NPLOC4: variants seen among roughly 807,000 people sequenced by gnomAD.
The protein encoded by NPLOC4 is NPL4 homolog, ubiquitin recognition factor, also known as nuclear protein localization protein 4 homolog.
NPLOC4 carries 18 observed loss-of-function variants against 80.6 expected under a neutral mutation model. That is an observed-to-expected ratio of 0.22 (90% CI 0.15 to 0.33). The LOEUF is 0.33. Ranked by LOEUF, NPLOC4 falls within the 10% of genes least tolerant of loss-of-function variation. NPLOC4 has a pLI of 1.00. For missense variants in NPLOC4, 540 were observed against 786.1 expected (o/e 0.69, Z 3.74); for synonymous variants, 313 against 301.5 (o/e 1.04, Z -0.39).
intron 6 of NPLOC4, among the ~76,000 whole-genome samples, chr17:81,607,931 G>A (rs1020576159): frequency 2.0e-5 from 3 of 152,200 alleles, no homozygotes; most frequent in Admixed American, 2.0e-4. Flanking sequence ...TCTCCTCGTT[G>A]CACTGACAGG....
chr17:81,631,438 T>A (rs56064069), intron 1 of NPLOC4, among the ~76,000 whole-genome samples: 5,103 of 24,562 alleles, frequency 0.21, 155 homozygotes, highest in Middle Eastern at 0.32. Context: ...ATATATATAT[T>A]TTTTTTTTTT....
At chr17:81,568,250 G>A (rs377107698) in intron 14 of NPLOC4, among the ~76,000 whole-genome samples, 9 of 152,316 alleles carry the variant, frequency 5.9e-5, no homozygotes, top group African/African-American at 2.2e-4. Flanking sequence ...ATCTAGGGCA[G>A]CAAGAGGGAG....
At chr17:81,589,241 C>T (rs1311379709) in intron 11 of NPLOC4, 137 bp from the exon 12 acceptor site, 2 of 735,996 alleles carry the variant, frequency 2.7e-6, no homozygotes, top group Non-Finnish European at 2.1e-6. Context: ...AAAAAATGTT[C>T]AGTAGTCGGC....
At chr17:81,573,748 A>T (rs556597758) in intron 12 of NPLOC4, 2 of 152,336 alleles carry the variant, frequency 1.3e-5, no homozygotes, top group South Asian at 4.1e-4. Context: ...GTCCAAATAG[A>T]TCCCACTGAT....
At chr17:81,560,026 T>C (rs866581583) in intron 16 of NPLOC4, among the ~76,000 whole-genome samples, 3 of 150,848 alleles carry the variant, frequency 2.0e-5, no homozygotes, top group East Asian at 2.0e-4. Flanking sequence ...TGAGCCACCA[T>C]GCCCAGCCTC....
chr17:81,624,370 A>C (rs2035743325), intron 2 of NPLOC4, among the ~76,000 whole-genome samples: 1 of 152,160 alleles, frequency 6.6e-6, no homozygotes. Flanking sequence ...GTGAGCCAAG[A>C]TGGCGCCATT....
At chr17:81,586,300 T>A (rs2144126020) in intron 12 of NPLOC4, among the ~76,000 whole-genome samples, 1 of 152,122 alleles carries the variant, frequency 6.6e-6, no homozygotes, top group South Asian at 2.1e-4. Context: ...CCCCTCAAGA[T>A]GTTTGCAGCT....
At chr17:81,628,623 T>C (rs569175555) in intron 2 of NPLOC4, among the ~76,000 whole-genome samples, 5 of 152,278 alleles carry the variant, frequency 3.3e-5, no homozygotes, top group South Asian at 4.1e-4. Flanking sequence ...CAAAGGCTAA[T>C]GGATGTTTTT....
chr17:81,633,836 G>A (rs534328330), intron 1 of NPLOC4, among the ~76,000 whole-genome samples: 86 of 151,864 alleles, frequency 5.7e-4, no homozygotes, highest in African/African-American at 2.0e-3. Context: ...CTCCCAAGTA[G>A]CTGGGATTAT....
At chr17:81,587,717 A>G (rs953602349) in intron 12 of NPLOC4, among the ~76,000 whole-genome samples, 3 of 113,406 alleles carry the variant, frequency 2.6e-5, no homozygotes, top group African/African-American at 1.0e-4. Context: ...TCTGTTCCCC[A>G]GGCTGGAGTG....
At chr17:81,604,416 T>C (rs1431681170) in intron 8 of NPLOC4, 132 bp downstream of exon 8, 5 of 728,400 alleles carry the variant, frequency 6.9e-6, no homozygotes, top group Admixed American at 3.1e-5. Flanking sequence ...TCAGAAAATG[T>C]TGTGCACGTG....
chr17:81,559,040 G>A lies in NPLOC4; in HGVS notation c.*219C>T, dbSNP rs184885512. Reference sequence around the variant, plus strand: ...GGAGCCGCTCTGCGTTTCCAGTCTGGAGACTGCATTCAGCCTGCAGAATAC... The same window carrying A: ...GGAGCCGCTCTGCGTTTCCAGTCTGAAGACTGCATTCAGCCTGCAGAATAC... On this transcript the variant is annotated 3_prime_UTR_variant, in exon 17 of 17. Coordinates refer to ENST00000331134, the MANE Select transcript of NPLOC4 (RefSeq NM_017921.4). The A allele has an allele frequency of 5.4e-6, 3 of 559,620 alleles. No individual in the cohort carries two copies. Among genetic ancestry groups the A allele is most frequent in the African/African-American group, 1.9e-5 (1 of 52,536 alleles). The allele number at this position is 559,620 out of a possible 1,614,324, so 34.7% of individuals were successfully genotyped here.
chr17:81,574,872 AACAAACAC>A (rs1274472762), intron 12 of NPLOC4, among the ~76,000 whole-genome samples: 1 of 137,054 alleles, frequency 7.3e-6, no homozygotes, highest in Non-Finnish European at 1.6e-5. Context: ...CAAACAAACA[AACAAACAC>A]ACACACACAC....
At chr17:81,630,742 T>G (rs1598695544) in intron 1 of NPLOC4, among the ~76,000 whole-genome samples, 1 of 152,050 alleles carries the variant, frequency 6.6e-6, no homozygotes, top group African/African-American at 2.4e-5. Context: ...CCAGGCATGG[T>G]GGCGTACGCC....
intron 8 of NPLOC4, 81 bp from the exon 9 acceptor site, chr17:81,600,508 C>G: frequency 9.1e-7 from 1 of 1,103,724 alleles, no homozygotes; most frequent in Non-Finnish European, 1.4e-6. Context: ...ACTTCCAGCT[C>G]TAGGTCACAA....
At position 81,612,122 on chromosome 17, in the gene NPLOC4, GCTTT is replaced by G. The variant is rs1266636264; in HGVS notation, c.386+1192_386+1195del. Among the ~76,000 whole-genome samples, 6 of 152,234 alleles carry G rather than the reference GCTTT, an allele frequency of 3.9e-5. No individual in the cohort carries two copies. The East Asian group carries it at 1.2e-3, about 29-fold the overall frequency. On this transcript the variant is annotated intron_variant, in intron 4 of 16. Transcript: ENST00000331134. ...AACAATGAAAAAACCTTGTCCCACGGCTTTCTAACATTTTCAGTCACAGAAGCCT... is the reference window on the plus strand; with the variant it reads ...AACAATGAAAAAACCTTGTCCCACGGCTAACATTTTCAGTCACAGAAGCCT...
chr17:81,615,220 C>T (rs1240070666), intron 3 of NPLOC4, among the ~76,000 whole-genome samples: 1 of 151,776 alleles, frequency 6.6e-6, no homozygotes, highest in Non-Finnish European at 1.5e-5. Context: ...CTGCCTCAGC[C>T]TCCCAAGTAG....
rs1314488798 is a variant in NPLOC4 at position 81,577,267 on chromosome 17, G to A, written c.1282-5179C>T. ...CTGTGTAGTCCTCGCCAGACTGCCT[G>A]TCCGCACAGCTCTCCAGACAGAGGA... On this transcript the variant is annotated intron_variant, in intron 12 of 16. Coordinates refer to ENST00000331134, the MANE Select transcript of NPLOC4 (RefSeq NM_017921.4). This position sits in a 1 kb window ranked among gnomAD's most constrained non-coding sequence, Gnocchi z 4.3. 2.0e-5 allele frequency among the ~76,000 whole-genome samples: 3 copies of A among 151,924 alleles called. No homozygotes were observed. Among genetic ancestry groups the A allele is most frequent in the African/African-American group, 7.3e-5 (3 of 41,342 alleles).
At chr17:81,632,321 T>A (rs2035953359) in intron 1 of NPLOC4, among the ~76,000 whole-genome samples, 2 of 145,534 alleles carry the variant, frequency 1.4e-5, no homozygotes, top group South Asian at 4.3e-4. Flanking sequence ...TATTTCCTTT[T>A]TTATTTCTTT....
Sources: allele counts gnomAD v4.1 joint callset (sites outside exome capture counted in the v4.1 genomes callset), GRCh38; gene constraint gnomAD v4.1.1; non-coding constraint Gnocchi (gnomAD v3.1); transcripts MANE v1.5; gene names NCBI Gene and HGNC (gene_info 2026-07-23, HGNC 2026-07-21).